COPS3: variants seen among roughly 807,000 people sequenced by gnomAD.
The protein encoded by COPS3 is COP9 signalosome subunit 3, also known as COP9 signalosome complex subunit 3.
Under a neutral mutation model 58.2 loss-of-function variants are expected in COPS3, and 10 were observed. That is an observed-to-expected ratio of 0.17 (90% CI 0.11 to 0.29). COPS3 has a LOEUF of 0.29. COPS3 is among the 10% of genes least tolerant of loss of function. The pLI is 1.00. For synonymous variants in COPS3, 187 were observed against 181.7 expected (o/e 1.03, Z -0.24); for missense variants, 333 against 510.1 (o/e 0.65, Z 3.34).
chr17:17,276,704 G>C (rs1174098298), intron 1 of COPS3, among the ~76,000 whole-genome samples: 1 of 151,926 alleles, frequency 6.6e-6, no homozygotes, highest in Non-Finnish European at 1.5e-5. Flanking sequence ...AAATAGCTGG[G>C]ATTACAGGCG....
At chr17:17,271,107 T>C in intron 2 of COPS3, 99 bp from the exon 3 acceptor site, 1 of 823,544 alleles carries the variant, frequency 1.2e-6, no homozygotes, top group Non-Finnish European at 2.0e-6. Context: ...CAATACTCTG[T>C]AAAATTAAAT....
chr17:17,262,017 T>C lies in COPS3; in HGVS notation c.711A>G (p.Lys237=). ...ATGTATATTTTGGTAGCTGTTGTAC[T>C]TTGCCAAGTAATATCAAAGACACTA... ...YILVSLILLG[K]VQQLPKYTSQ... Residue 237 remains lysine (K), a synonymous_variant, in exon 7 of 12, where the codon AAA becomes AAG. Transcript: ENST00000268717. The C allele has an allele frequency of 6.2e-7, 1 of 1,607,126 alleles. No individual in the cohort carries two copies. The highest frequency in any genetic ancestry group is 1.1e-5 in the South Asian group (1 of 90,596).
intron 2 of COPS3, among the ~76,000 whole-genome samples, chr17:17,273,302 G>C (rs1357289796): frequency 6.6e-6 from 1 of 152,108 alleles, no homozygotes; most frequent in Non-Finnish European, 1.5e-5. Context: ...TAAAGATTCA[G>C]GTGCACTTGC....
chr17:17,267,749 G>GT (rs1412512954), intron 5 of COPS3, 136 bp downstream of exon 5: 2 of 694,972 alleles, frequency 2.9e-6, no homozygotes, highest in African/African-American at 3.6e-5. Context: ...TGTAATAGAT[G>GT]TACCTACATA....
intron 8 of COPS3, among the ~76,000 whole-genome samples, chr17:17,257,704 G>A (rs1401764928): frequency 2.0e-5 from 3 of 151,456 alleles, no homozygotes; most frequent in Admixed American, 6.6e-5. Flanking sequence ...GGCTGAGGCA[G>A]GAGAATGGCG....
chr17:17,254,807 TC>T, intron 9 of COPS3, 51 bp downstream of exon 9: 1 of 820,640 alleles, frequency 1.2e-6, no homozygotes, highest in Admixed American at 4.3e-5. Context: ...AGACTCCATC[TC>T]AAAAAGAAAA....
In COPS3 at chr17:17,271,942, A is replaced by G. The variant is rs115605694; in HGVS notation, c.186-934T>C. Among the ~76,000 whole-genome samples, 980 of 148,134 alleles carry G rather than the reference A, an allele frequency of 6.6e-3. 13 individuals carry two copies. The highest frequency in any genetic ancestry group is 0.023 in the African/African-American group (920 of 40,764). On this transcript the variant is annotated intron_variant, in intron 2 of 11. Transcript: ENST00000268717. ...AAACATATATGTTTTATATATATATATATGTTTAATAAGGAACAACTTTCA... is the reference window on the plus strand; with the variant it reads ...AAACATATATGTTTTATATATATATGTATGTTTAATAAGGAACAACTTTCA...
At chr17:17,263,024 C>T (rs2048137796) in intron 6 of COPS3, among the ~76,000 whole-genome samples, 2 of 151,086 alleles carry the variant, frequency 1.3e-5, no homozygotes, top group Non-Finnish European at 2.9e-5. Context: ...CGTGTTGGCT[C>T]ATGCCTGTAA....
In COPS3 at chr17:17,247,353, C is replaced by T. The variant is rs373460813; in HGVS notation, c.1218+127G>A. On this transcript the variant is annotated intron_variant, in intron 11 of 11. Transcript: ENST00000268717. Reference sequence around the variant, plus strand: ...GAAAATGCTCTCAACTAGTATTTCTCCATGACCGTACTGGTAAGGTTTTCA... The same window carrying T: ...GAAAATGCTCTCAACTAGTATTTCTTCATGACCGTACTGGTAAGGTTTTCA... 2.2e-5 allele frequency: 22 copies of T among 992,932 alleles called. No individual in the cohort carries two copies. The East Asian group carries it at 3.8e-4, about 17-fold the overall frequency. The allele number at this position is 992,932 out of a possible 1,614,324, so 61.5% of individuals were successfully genotyped here. A position where few individuals can be genotyped will look rare whatever the true frequency, so the allele number is the denominator to read the frequency against.
chr17:17,270,948 C>G lies in COPS3; in HGVS notation c.246G>C (p.Gln82His), dbSNP rs1408138882. ...CCCCATTACAAGTGCTGATGAAGAG[C>G]TGAACCTGTGAGAATAGCGTTTCGA... ...PDFETLFSQV[Q>H]LFISTCNGEH... The change falls in exon 3 of 12, where the codon CAG (glutamine) becomes CAC (histidine). Residue 82 changes from glutamine to histidine, a missense_variant. By Grantham distance (24) the Gln-to-His change is conservative. Transcript: ENST00000268717. 3 of 1,613,988 alleles carry G rather than the reference C, an allele frequency of 1.9e-6. No homozygotes were observed. Among genetic ancestry groups the G allele is most frequent in the Non-Finnish European group, 2.5e-6 (3 of 1,180,006 alleles).
intron 7 of COPS3, among the ~76,000 whole-genome samples, chr17:17,261,400 C>A (rs2048096369): frequency 6.6e-6 from 1 of 152,122 alleles, no homozygotes; most frequent in Admixed American, 6.6e-5. Flanking sequence ...GTGGCACACA[C>A]CTGTAGTCCC....
At chr17:17,266,066 A>G (rs1244242862) in intron 5 of COPS3, among the ~76,000 whole-genome samples, 2 of 152,226 alleles carry the variant, frequency 1.3e-5, no homozygotes, top group Non-Finnish European at 2.9e-5. Context: ...TACCTCAATC[A>G]CAATTTTTTT....
Position 17,267,912 on chromosome 17 carries a change from C to T in COPS3, c.414G>A (p.Leu138=). 1.2e-6 allele frequency: 2 copies of T among 1,614,016 alleles called. No individual in the cohort carries two copies. Among genetic ancestry groups the T allele is most frequent in the Non-Finnish European group, 1.7e-6 (2 of 1,179,938 alleles). Reference sequence around the variant, plus strand: ...GGCAGAGATCAGCATGTATTGAGGTCAGCTGGTTTGTATTCATCTGCATCT... The same window carrying T: ...GGCAGAGATCAGCATGTATTGAGGTTAGCTGGTTTGTATTCATCTGCATCT... The part of the protein sequence containing the change: ...IDKMQMNTNQ[L]TSIHADLCQL... The change falls in exon 5 of 12, where the codon CTG becomes CTA. Residue 138 remains leucine (L), a synonymous_variant. Coordinates refer to ENST00000268717, the MANE Select transcript of COPS3 (RefSeq NM_003653.4).
chr17:17,260,163 A>G, intron 8 of COPS3, 138 bp downstream of exon 8: 1 of 852,764 alleles, frequency 1.2e-6, no homozygotes, highest in Non-Finnish European at 1.9e-6. Flanking sequence ...GCCAATCACA[A>G]GAGAGTTCTC....
intron 8 of COPS3, among the ~76,000 whole-genome samples, chr17:17,259,186 C>A (rs1261699734): frequency 6.6e-6 from 1 of 152,180 alleles, no homozygotes; most frequent in Non-Finnish European, 1.5e-5. Context: ...TCGTCCCCAA[C>A]CATGCATCAC....
At chr17:17,272,325 A>T (rs1476210948) in intron 2 of COPS3, among the ~76,000 whole-genome samples, 1 of 152,106 alleles carries the variant, frequency 6.6e-6, no homozygotes, top group Non-Finnish European at 1.5e-5. Flanking sequence ...TGGGAGGCTG[A>T]GACAGGAGAA....
At chr17:17,263,505 C>A (rs893014232) in intron 6 of COPS3, among the ~76,000 whole-genome samples, 9 of 108,460 alleles carry the variant, frequency 8.3e-5, no homozygotes, top group Non-Finnish European at 1.4e-4. Flanking sequence ...AGCCTCTTGC[C>A]TTTTCTTTTT....
intron 8 of COPS3, among the ~76,000 whole-genome samples, chr17:17,255,469 G>C (rs1042973962): frequency 9.0e-6 from 1 of 111,256 alleles, no homozygotes; most frequent in African/African-American, 3.9e-5. Flanking sequence ...CTGGACGACA[G>C]AGCAAGACTC....
At chr17:17,269,619 T>G (rs1265288343) in intron 4 of COPS3, among the ~76,000 whole-genome samples, 1 of 151,970 alleles carries the variant, frequency 6.6e-6, no homozygotes, top group Admixed American at 6.6e-5. Flanking sequence ...ACTAAATAAA[T>G]TTTTTAAAAA....
Sources: allele counts gnomAD v4.1 joint callset (sites outside exome capture counted in the v4.1 genomes callset), GRCh38; gene constraint gnomAD v4.1.1; transcripts MANE v1.5; gene names NCBI Gene and HGNC (gene_info 2026-07-23, HGNC 2026-07-21).